Variants in ANO2 observed in about 807,000 individuals in gnomAD.
The protein encoded by ANO2 is anoctamin 2, also known as anoctamin-2.
A neutral mutation model predicts 124.2 loss-of-function variants in ANO2; 101 were observed. That is an observed-to-expected ratio of 0.81 (90% CI 0.69 to 0.96). The LOEUF (loss-of-function observed/expected upper bound fraction) is 0.96. Ranked by LOEUF, ANO2 falls within the 40% of genes least tolerant of loss-of-function variation. ANO2 has a pLI of 0.00. For synonymous variants in ANO2, 486 were observed against 482.5 expected (o/e 1.01, Z -0.09); for missense variants, 1,293 against 1,274.5 (o/e 1.01, Z -0.22).
At chr12:5,633,641 C>T (rs935382659) in intron 16 of ANO2, among the ~76,000 whole-genome samples, 1 of 152,178 alleles carries the variant, frequency 6.6e-6, no homozygotes, top group East Asian at 1.9e-4. Context: ...CCCACTCCAT[C>T]GTGCCCTGGA....
At chr12:5,604,430 G>A (rs1432781990) in intron 19 of ANO2, among the ~76,000 whole-genome samples, 7 of 152,198 alleles carry the variant, frequency 4.6e-5, no homozygotes, top group Non-Finnish European at 8.8e-5. Flanking sequence ...GAGAATCATC[G>A]TGGAAAGAGC....
intron 20 of ANO2, among the ~76,000 whole-genome samples, chr12:5,585,149 G>A (rs188125127): frequency 6.6e-6 from 1 of 152,046 alleles, no homozygotes; most frequent in Non-Finnish European, 1.5e-5. Context: ...TCATCACTGG[G>A]CTCCACGTGA....
intron 4 of ANO2, among the ~76,000 whole-genome samples, chr12:5,837,190 C>G (rs1203042431): frequency 2.0e-5 from 3 of 151,724 alleles, no homozygotes; most frequent in African/African-American, 7.3e-5. Context: ...TGCAAAGGCA[C>G]CCAGGAGTGC....
intron 12 of ANO2, among the ~76,000 whole-genome samples, chr12:5,742,446 C>T (rs1332653875): frequency 6.6e-6 from 1 of 152,100 alleles, no homozygotes; most frequent in African/African-American, 2.4e-5. Context: ...TTTCCCTGCA[C>T]TGTGATGTGA....
rs185782267 is a variant in ANO2 at position 5,792,744 on chromosome 12, A to G, written c.1055+6763T>C. ...ACAGCCTCACAGCTACTTTCTATAA[A>G]TTTTCTCCATCAGCCTGTCCCTTTA... is the stretch of plus-strand genomic sequence containing the variant. On this transcript the variant is annotated intron_variant, in intron 10 of 24. Coordinates refer to ENST00000682330, the MANE Select transcript of ANO2 (RefSeq NM_001364791.2). Among the ~76,000 whole-genome samples, 80 of 152,212 alleles carry G rather than the reference A, an allele frequency of 5.3e-4. 1 individual carries two copies. Among genetic ancestry groups the G allele is most frequent in the Middle Eastern group, 3.4e-3 (1 of 294 alleles).
chr12:5,630,400 T>C (rs965151112), intron 16 of ANO2, among the ~76,000 whole-genome samples: 10 of 152,202 alleles, frequency 6.6e-5, no homozygotes, highest in Non-Finnish European at 1.3e-4. Flanking sequence ...GGGACCTACT[T>C]TGTGAGACCA....
chr12:5,934,771 T>C (rs985462761), intron 1 of ANO2, among the ~76,000 whole-genome samples: 1 of 152,234 alleles, frequency 6.6e-6, no homozygotes, highest in African/African-American at 2.4e-5. Context: ...GTATATTCAA[T>C]GGGCTCCCTC....
chr12:5,801,059 C>T (rs996672725), intron 9 of ANO2, among the ~76,000 whole-genome samples: 4 of 152,118 alleles, frequency 2.6e-5, no homozygotes, highest in Non-Finnish European at 4.4e-5. Flanking sequence ...GGATTTCAAA[C>T]AAAAGAAGAT....
chr12:5,910,296 C>T (rs1229164468), intron 3 of ANO2, among the ~76,000 whole-genome samples: 1 of 152,218 alleles, frequency 6.6e-6, no homozygotes, highest in African/African-American at 2.4e-5. Flanking sequence ...TCTCGTGCCT[C>T]AGCCTCTGGA....
chr12:5,746,104 G>A (rs192099214), intron 11 of ANO2, among the ~76,000 whole-genome samples: 9 of 152,252 alleles, frequency 5.9e-5, no homozygotes, highest in East Asian at 1.9e-4. Flanking sequence ...TTAACTTAGC[G>A]GTTTTTTCTT....
chr12:5,785,464 C>T (rs940962616), intron 10 of ANO2, among the ~76,000 whole-genome samples: 1 of 152,142 alleles, frequency 6.6e-6, no homozygotes, highest in Non-Finnish European at 1.5e-5. Context: ...CAAGCCCATG[C>T]TGGAGGTTAC....
In ANO2 at chr12:5,565,622, T is replaced by C. The variant is rs1471186321; in HGVS notation, c.2663A>G (p.Tyr888Cys). The C allele has an allele frequency of 2.5e-6, 4 of 1,605,498 alleles. No individual in the cohort carries two copies. In the Admixed American group the frequency reaches 6.8e-5, roughly 27 times the overall value. ...YREPPWAPNPYEFSKQYWFIL... is the reference protein window; with the variant it reads ...YREPPWAPNPCEFSKQYWFIL... ...AAACCAGTACTGTTTCGAAAACTCA[T>C]AAGGGTTCGGGGCCCATGGCGGCTC... Residue 888 changes from tyrosine (Y) to cysteine (C), a missense_variant, in exon 24 of 25, where the codon TAT (tyrosine) becomes TGT (cysteine). Transcript: ENST00000682330.
intron 1 of ANO2, among the ~76,000 whole-genome samples, chr12:5,937,346 C>T (rs1942692250): frequency 6.6e-6 from 1 of 152,162 alleles, no homozygotes; most frequent in Admixed American, 6.5e-5. Flanking sequence ...CTGTTGGCCA[C>T]TTTTATGTCT....
chr12:5,829,966 C>CT (rs1378120434), intron 6 of ANO2, among the ~76,000 whole-genome samples: 1 of 152,160 alleles, frequency 6.6e-6, no homozygotes, highest in Non-Finnish European at 1.5e-5. Context: ...TCACATGACT[C>CT]TGTCATGGGA....
chr12:5,819,478 T>C (rs1223345957), intron 7 of ANO2, among the ~76,000 whole-genome samples: 2 of 151,924 alleles, frequency 1.3e-5, no homozygotes, highest in African/African-American at 2.4e-5. Flanking sequence ...GCCTGGGGAG[T>C]TAAAAGGGGT....
Position 5,732,148 on chromosome 12 carries a change from G to C in ANO2, c.1545+372C>G, listed in dbSNP as rs75337528. On this transcript the variant is annotated intron_variant, in intron 14 of 24. Transcript: ENST00000682330. The stretch of plus-strand genomic sequence containing the variant: ...GATAATGTAATACACTTAGAACAGT[G>C]TCTAACATAGAGCAAGCGTTCGATA... Among the ~76,000 whole-genome samples, 4 of 152,304 alleles carry C rather than the reference G, an allele frequency of 2.6e-5. No homozygotes were observed. The East Asian group carries it at 7.7e-4, about 29-fold the overall frequency.
intron 4 of ANO2, among the ~76,000 whole-genome samples, chr12:5,846,776 G>A (rs556742316): frequency 6.6e-6 from 1 of 152,244 alleles, no homozygotes; most frequent in African/African-American, 2.4e-5. Flanking sequence ...TTCTCTTATA[G>A]GGATACCTGT....
chr12:5,751,639 A>G (rs1476146029), intron 10 of ANO2, among the ~76,000 whole-genome samples: 1 of 152,196 alleles, frequency 6.6e-6, no homozygotes, highest in East Asian at 1.9e-4. Context: ...AACATCACCA[A>G]TCACTCCATA....
intron 10 of ANO2, among the ~76,000 whole-genome samples, chr12:5,797,565 C>T (rs1193728777): frequency 1.3e-5 from 2 of 152,178 alleles, no homozygotes; most frequent in East Asian, 1.9e-4. Flanking sequence ...CCACTTCTGA[C>T]CCTAGTGCTC....
Sources: gnomAD v4.1 joint callset for allele counts (sites outside exome capture counted in the v4.1 genomes callset) on GRCh38, gnomAD v4.1.1 for gene constraint, MANE v1.5 for transcripts, NCBI Gene and HGNC (gene_info 2026-07-23, HGNC 2026-07-21) for gene names.